MMP26: variants seen among roughly 807,000 people sequenced by gnomAD.
The protein encoded by MMP26 is matrix metalloproteinase-26.
Under a neutral mutation model 31.0 loss-of-function variants are expected in MMP26, and 33 were observed. That is an observed-to-expected ratio of 1.06 (90% CI 0.81 to 1.42). The LOEUF (loss-of-function observed/expected upper bound fraction) is 1.42, where lower values mean the gene tolerates loss of function less well. MMP26 is among the 40% of genes most tolerant of loss of function. MMP26 has a pLI of 0.00. For missense variants in MMP26, 347 were observed against 316.1 expected, an observed-to-expected ratio of 1.10 and a Z score of -0.74; for synonymous variants, 122 against 114.9, an observed-to-expected ratio of 1.06 and a Z score of -0.40.
intron 2 of MMP26, among the ~76,000 whole-genome samples, chr11:4,866,938 A>G (rs1370350379): frequency 6.6e-6 from 1 of 152,170 alleles, no homozygotes; most frequent in African/African-American, 2.4e-5. Flanking sequence ...TCAACTCAAG[A>G]TGGACTAAAC....
At chr11:4,790,157 T>G (rs1248288249) in intron 2 of MMP26, among the ~76,000 whole-genome samples, 1 of 151,884 alleles carries the variant, frequency 6.6e-6, no homozygotes, top group Non-Finnish European at 1.5e-5. Flanking sequence ...CTGGCTAACA[T>G]AGTGAAACCC....
intron 2 of MMP26, among the ~76,000 whole-genome samples, chr11:4,799,093 G>A (rs1231013375): frequency 6.6e-6 from 1 of 152,148 alleles, no homozygotes; most frequent in African/African-American, 2.4e-5. Flanking sequence ...ATGGAAAATG[G>A]AGTCCCTCAG....
intron 2 of MMP26, among the ~76,000 whole-genome samples, chr11:4,959,400 A>G (rs932905385): frequency 1.9e-4 from 29 of 152,160 alleles, no homozygotes; most frequent in African/African-American, 7.0e-4. Context: ...TTCCTCAAAT[A>G]TGAGTTTGAC....
At chr11:4,969,096 G>A (rs965372303) in intron 2 of MMP26, among the ~76,000 whole-genome samples, 4 of 151,852 alleles carry the variant, frequency 2.6e-5, no homozygotes, top group Admixed American at 2.0e-4. Context: ...TCTTTACAGA[G>A]AAAACTATAA....
chr11:4,987,294 T>G (rs2133647316), intron 2 of MMP26, among the ~76,000 whole-genome samples: 1 of 152,276 alleles, frequency 6.6e-6, no homozygotes. Flanking sequence ...GCGTGTCAAC[T>G]TATTATCAAT....
At chr11:4,817,465 T>C (rs1250211786) in intron 2 of MMP26, among the ~76,000 whole-genome samples, 1 of 152,104 alleles carries the variant, frequency 6.6e-6, no homozygotes, top group African/African-American at 2.4e-5. Flanking sequence ...TATGCACCTG[T>C]AGTCCAAGTT....
intron 1 of MMP26, among the ~76,000 whole-genome samples, chr11:4,728,792 A>C (rs1848136580): frequency 6.6e-6 from 1 of 152,036 alleles, no homozygotes; most frequent in African/African-American, 2.4e-5. Flanking sequence ...ATTTTTCTTG[A>C]ATATATACAC....
In MMP26 at chr11:4,831,904, A is replaced by G. The variant is rs182793241; in HGVS notation, c.-145+64563A>G. ...ATCAGGGAATAAAGATAGAAAAATA[A>G]CACACAGGTTTTAAATGAATCCTGT... is the stretch of plus-strand genomic sequence containing the variant. On this transcript the variant is annotated intron_variant, in intron 2 of 7. Coordinates refer to ENST00000380390, the MANE Select transcript of MMP26 (RefSeq NM_021801.5). 5.3e-5 allele frequency among the ~76,000 whole-genome samples: 8 copies of G among 152,346 alleles called. No homozygotes were observed. In the East Asian group the frequency reaches 1.5e-3, roughly 29 times the overall value.
chr11:4,905,299 T>A (rs1242018404), intron 2 of MMP26, among the ~76,000 whole-genome samples: 1 of 152,156 alleles, frequency 6.6e-6, no homozygotes, highest in African/African-American at 2.4e-5. Flanking sequence ...ATGCTCAAAC[T>A]GTTCAAGGCC....
rs532273332 is a variant in MMP26, at chr11:4,782,483, G to A, written c.-145+15142G>A. On this transcript the variant is annotated intron_variant, in intron 2 of 7. Coordinates refer to ENST00000380390, the MANE Select transcript of MMP26 (RefSeq NM_021801.5). ...AGAGGAGACTTGGGTGCTGCTGAAG[G>A]CATTCAATTTTAAAAGGGAAACAAA... Among the ~76,000 whole-genome samples, 7 of 152,312 alleles carry A rather than the reference G, an allele frequency of 4.6e-5. No homozygotes were observed. In the South Asian group the frequency reaches 1.5e-3, roughly 32 times the overall value.
chr11:4,900,365 G>C (rs1245168197), intron 2 of MMP26, among the ~76,000 whole-genome samples: 1 of 152,176 alleles, frequency 6.6e-6, no homozygotes, highest in African/African-American at 2.4e-5. Context: ...TTGTGGGGTA[G>C]AATAATCTTC....
chr11:4,854,442 C>T (rs573485100), intron 2 of MMP26, among the ~76,000 whole-genome samples: 6 of 152,320 alleles, frequency 3.9e-5, no homozygotes, highest in Non-Finnish European at 7.3e-5. Context: ...GAGGGTCCCA[C>T]GCCCACGGAA....
At chr11:4,986,617 G>A (rs970486186) in intron 2 of MMP26, among the ~76,000 whole-genome samples, 2 of 141,018 alleles carry the variant, frequency 1.4e-5, no homozygotes, top group South Asian at 2.2e-4. Context: ...TGCAACCTCC[G>A]CCTTCTGGGT....
intron 1 of MMP26, among the ~76,000 whole-genome samples, chr11:4,717,886 G>A (rs928614897): frequency 4.6e-5 from 7 of 152,158 alleles, no homozygotes; most frequent in African/African-American, 1.7e-4. Context: ...GTTGACTTGG[G>A]ATGCAGGATA....
intron 2 of MMP26, among the ~76,000 whole-genome samples, chr11:4,987,285 C>T (rs1340780458): frequency 2.6e-5 from 4 of 151,918 alleles, no homozygotes; most frequent in South Asian, 2.1e-4. Flanking sequence ...TAGACGTGTG[C>T]GTGTCAACTT....
chr11:4,885,882 A>T (rs1850539885), intron 2 of MMP26, among the ~76,000 whole-genome samples: 1 of 151,992 alleles, frequency 6.6e-6, no homozygotes, highest in Non-Finnish European at 1.5e-5. Flanking sequence ...ATTCCTTTAC[A>T]TATGCTTTCT....
At chr11:4,810,898 C>A (rs142317586) in intron 2 of MMP26, among the ~76,000 whole-genome samples, 1 of 152,138 alleles carries the variant, frequency 6.6e-6, no homozygotes, top group African/African-American at 2.4e-5. Flanking sequence ...ATGCAAAGAA[C>A]GATTTGTTTG....
chr11:4,799,265 T>C (rs72868749), intron 2 of MMP26, among the ~76,000 whole-genome samples: 55,931 of 151,852 alleles, frequency 0.37, 11,358 homozygotes, highest in African/African-American at 0.52. Context: ...ATGGCACCAG[T>C]GTCTTCTAGG....
chr11:4,719,207 C>T (rs773691910), intron 1 of MMP26: 42 of 154,730 alleles, frequency 2.7e-4, no homozygotes, highest in Non-Finnish European at 5.0e-4. Context: ...ATCAACAGTG[C>T]AGTTGGGCTG....
Sources: allele counts gnomAD v4.1 joint callset (sites outside exome capture counted in the v4.1 genomes callset), GRCh38; gene constraint gnomAD v4.1.1; transcripts MANE v1.5; gene names NCBI Gene and HGNC (gene_info 2026-07-23, HGNC 2026-07-21).